Variants in GRIA2 observed in about 807,000 individuals in gnomAD.
GRIA2 encodes the protein glutamate receptor 2.
Under a neutral mutation model 97.3 loss-of-function variants are expected in GRIA2, and 14 were observed. The observed-to-expected ratio is 0.14, with a 90% CI of 0.10 to 0.23. The LOEUF is 0.23. GRIA2 is among the 10% of genes least tolerant of loss of function. The pLI is 1.00. For missense variants in GRIA2, 558 were observed against 1,069.8 expected, an observed-to-expected ratio of 0.52 and a Z score of 6.67; for synonymous variants, 412 against 387.8, an observed-to-expected ratio of 1.06 and a Z score of -0.73.
At chr4:157,285,822 A>T (rs561141323) in intron 2 of GRIA2, among the ~76,000 whole-genome samples, 2 of 151,738 alleles carry the variant, frequency 1.3e-5, no homozygotes, top group South Asian at 4.1e-4. Flanking sequence ...TACTAATAAC[A>T]GTGACTACAA....
At chr4:157,264,384 C>T (rs1418789830) in intron 2 of GRIA2, among the ~76,000 whole-genome samples, 1 of 152,026 alleles carries the variant, frequency 6.6e-6, no homozygotes, top group East Asian at 1.9e-4. Context: ...TCATGGCCTC[C>T]TTCCATCTCC....
intron 2 of GRIA2, among the ~76,000 whole-genome samples, chr4:157,298,750 A>C (rs937139302): frequency 6.6e-6 from 1 of 151,544 alleles, no homozygotes; most frequent in Admixed American, 6.6e-5. Flanking sequence ...TCAGCTCACA[A>C]TACTCATCCT....
chr4:157,259,932 T>C (rs754435716), intron 2 of GRIA2, among the ~76,000 whole-genome samples: 18 of 152,170 alleles, frequency 1.2e-4, no homozygotes, highest in Non-Finnish European at 2.5e-4. Context: ...CATACATTCT[T>C]CTTTTTTACT....
intron 2 of GRIA2, among the ~76,000 whole-genome samples, chr4:157,275,652 C>G (rs1732267918): frequency 2.6e-5 from 4 of 152,122 alleles, no homozygotes; most frequent in African/African-American, 9.7e-5. Context: ...TTGTTTTTGT[C>G]AGGCTTGTCA....
chr4:157,262,475 C>A (rs1731585375), intron 2 of GRIA2, among the ~76,000 whole-genome samples: 1 of 151,930 alleles, frequency 6.6e-6, no homozygotes, highest in African/African-American at 2.4e-5. Flanking sequence ...TACTTTCCAC[C>A]AAACCAGTTA....
At chr4:157,359,769 A>T (rs1389335196) in intron 12 of GRIA2, 127 bp from the exon 13 acceptor site, 1 of 779,952 alleles carries the variant, frequency 1.3e-6, no homozygotes, top group African/African-American at 1.7e-5. Flanking sequence ...AAAATTGTTG[A>T]AAGATGAGAT....
intron 4 of GRIA2, 37 bp downstream of exon 4, chr4:157,312,912 A>G (rs1296414903): frequency 5.8e-6 from 7 of 1,205,240 alleles, no homozygotes; most frequent in African/African-American, 1.5e-5. Context: ...TGCCAGATAT[A>G]GAATATGCAT....
At chr4:157,309,149 TG>T (rs1285948052) in intron 3 of GRIA2, among the ~76,000 whole-genome samples, 1 of 152,154 alleles carries the variant, frequency 6.6e-6, no homozygotes, top group Admixed American at 6.5e-5. Flanking sequence ...TGTCTTCTGA[TG>T]AAACTGAATT....
chr4:157,230,586 C>CCTTG (rs1176947745), intron 2 of GRIA2, among the ~76,000 whole-genome samples: 1 of 148,572 alleles, frequency 6.7e-6, no homozygotes, highest in African/African-American at 2.5e-5. Context: ...TTCTTTCCTT[C>CCTTG]CTTCCTTCCT....
At chr4:157,291,509 T>C (rs898512155) in intron 2 of GRIA2, among the ~76,000 whole-genome samples, 2 of 151,980 alleles carry the variant, frequency 1.3e-5, no homozygotes, top group African/African-American at 4.8e-5. Context: ...ACATAACCTA[T>C]GGGCTTTTTA....
At chr4:157,304,722 T>A (rs571014218) in intron 3 of GRIA2, among the ~76,000 whole-genome samples, 24 of 152,230 alleles carry the variant, frequency 1.6e-4, no homozygotes, top group African/African-American at 5.8e-4. Flanking sequence ...TATTTGTAGG[T>A]TCAAATGAAA....
rs548464244 is a variant in GRIA2 at position 157,258,350 on chromosome 4, C to T, written c.229+36543C>T. ...CATTCCTAGGGGGAGGTCTCTAAAA[C>T]GGCCACTCTGGGGACGTCTGTCTTT... On this transcript the variant is annotated intron_variant, in intron 2 of 15. Transcript: ENST00000264426. 9.0e-4 allele frequency among the ~76,000 whole-genome samples: 137 copies of T among 152,086 alleles called. 1 individual carries two copies. In the South Asian group the frequency reaches 0.026, roughly 29 times the overall value.
intron 12 of GRIA2, among the ~76,000 whole-genome samples, chr4:157,344,605 C>T (rs1735694682): frequency 6.6e-6 from 1 of 152,106 alleles, no homozygotes; most frequent in South Asian, 2.1e-4. Flanking sequence ...CTTTAAAGTT[C>T]TAACATTTAT....
intron 12 of GRIA2, among the ~76,000 whole-genome samples, chr4:157,347,669 A>C (rs116047003): frequency 1.1e-4 from 16 of 152,268 alleles, no homozygotes; most frequent in Non-Finnish European, 1.6e-4. Flanking sequence ...ATCTCTGCCT[A>C]CCTCTGTTGG....
intron 4 of GRIA2, among the ~76,000 whole-genome samples, chr4:157,314,508 C>G (rs1287801897): frequency 6.6e-6 from 1 of 152,012 alleles, no homozygotes; most frequent in Non-Finnish European, 1.5e-5. Flanking sequence ...AACCTGAAGG[C>G]CTCTTGTTCA....
At chr4:157,344,688 G>A (rs1380256933) in intron 12 of GRIA2, among the ~76,000 whole-genome samples, 2 of 151,854 alleles carry the variant, frequency 1.3e-5, no homozygotes, top group East Asian at 3.9e-4. Flanking sequence ...TTTATAACTA[G>A]GAATTTTATT....
intron 2 of GRIA2, among the ~76,000 whole-genome samples, chr4:157,278,568 C>G (rs547579692): frequency 2.0e-5 from 3 of 151,924 alleles, no homozygotes; most frequent in Non-Finnish European, 4.4e-5. Flanking sequence ...ATGTTGATTA[C>G]TTTTAGGATA....
chr4:157,293,072 T>A (rs578190508), intron 2 of GRIA2, among the ~76,000 whole-genome samples: 1 of 152,270 alleles, frequency 6.6e-6, no homozygotes, highest in East Asian at 1.9e-4. Flanking sequence ...CAATTATTAG[T>A]GAATTACACA....
intron 2 of GRIA2, among the ~76,000 whole-genome samples, chr4:157,295,899 T>C (rs1733327312): frequency 6.6e-6 from 1 of 152,188 alleles, no homozygotes; most frequent in African/African-American, 2.4e-5. Flanking sequence ...ACTTTAACAA[T>C]TTATTTCAAT....
Sources: allele counts gnomAD v4.1 joint callset (sites outside exome capture counted in the v4.1 genomes callset), GRCh38; gene constraint gnomAD v4.1.1; transcripts MANE v1.5; gene names NCBI Gene and HGNC (gene_info 2026-07-23, HGNC 2026-07-21).